Variants in RANBP2 observed in about 807,000 individuals in gnomAD.
RANBP2 encodes RAN binding protein 2.
A neutral mutation model predicts 303.6 loss-of-function variants in RANBP2; 57 were observed. The observed-to-expected ratio is 0.19, with a 90% confidence interval of 0.15 to 0.23. The LOEUF (loss-of-function observed/expected upper bound fraction) is 0.23, where lower values mean the gene tolerates loss of function less well. Among genes scored for constraint, RANBP2 ranks in the 10% least tolerant of loss-of-function variants. The pLI is 1.00. For synonymous variants in RANBP2, 1,167 were observed against 1,301.5 expected (o/e 0.90, Z 2.23); for missense variants, 3,138 against 3,780.8 (o/e 0.83, Z 4.46).
chr2:109,728,652 A>G, the RANBP2 span, among the ~76,000 whole-genome samples: 75 of 150,804 alleles, frequency 5.0e-4, no homozygotes, highest in African/African-American at 1.8e-3. Flanking sequence ...GAGGGGTTTC[A>G]CCATCTTGGT....
At chr2:108,992,998 T>C in the RANBP2 span, among the ~76,000 whole-genome samples, 6 of 152,210 alleles carry the variant, frequency 3.9e-5, no homozygotes, top group South Asian at 4.1e-4. Context: ...CACAGTTCCA[T>C]AGGCAGAAAA....
chr2:108,732,807 A>G (rs543970817), intron 4 of RANBP2, among the ~76,000 whole-genome samples: 43 of 152,276 alleles, frequency 2.8e-4, no homozygotes, highest in African/African-American at 5.8e-4. Context: ...GTCATCATGA[A>G]GTATGTGACG....
chr2:109,060,821 T>G, the RANBP2 span, among the ~76,000 whole-genome samples: 3 of 152,206 alleles, frequency 2.0e-5, no homozygotes, highest in Non-Finnish European at 4.4e-5. Context: ...TCTCTGAGAT[T>G]ATAATTTCTT....
chr2:109,496,613 A>C, the RANBP2 span, among the ~76,000 whole-genome samples: 5 of 152,172 alleles, frequency 3.3e-5, no homozygotes, highest in African/African-American at 1.2e-4. Flanking sequence ...TTCACATCGG[A>C]TCAGCTCATC....
chr2:109,110,409 G>A, the RANBP2 span, among the ~76,000 whole-genome samples: 6 of 152,236 alleles, frequency 3.9e-5, no homozygotes, highest in South Asian at 2.1e-4. Context: ...CAACATATCC[G>A]TGTCCTTAAT....
chr2:109,331,336 C>T, the RANBP2 span, among the ~76,000 whole-genome samples: 9 of 152,098 alleles, frequency 5.9e-5, no homozygotes, highest in African/African-American at 2.2e-4. Flanking sequence ...TAACAGCCAC[C>T]TGGCCTGTTT....
the RANBP2 span, among the ~76,000 whole-genome samples, chr2:109,682,793 C>A: frequency 3.3e-5 from 5 of 152,174 alleles, no homozygotes; most frequent in South Asian, 4.2e-4. Flanking sequence ...ATATATGTAT[C>A]AAAAAACCCA....
At chr2:108,939,658 C>G in the RANBP2 span, among the ~76,000 whole-genome samples, 1 of 152,158 alleles carries the variant, frequency 6.6e-6, no homozygotes, top group Non-Finnish European at 1.5e-5. Context: ...ATTGCTATAC[C>G]CTCTTCTCTC....
chr2:109,194,584 TG>T, the RANBP2 span, among the ~76,000 whole-genome samples: 11 of 152,126 alleles, frequency 7.2e-5, no homozygotes, highest in Non-Finnish European at 1.6e-4. Flanking sequence ...GCGGGCGGGC[TG>T]GGTAGGGAGG....
At chr2:108,890,831 G>C in the RANBP2 span, among the ~76,000 whole-genome samples, 1 of 152,088 alleles carries the variant, frequency 6.6e-6, no homozygotes, top group African/African-American at 2.4e-5. Context: ...GTTTTCCCAA[G>C]TGTCATGAAG....
At chr2:109,226,730 G>A in the RANBP2 span, among the ~76,000 whole-genome samples, 5 of 152,208 alleles carry the variant, frequency 3.3e-5, no homozygotes, top group East Asian at 3.8e-4. Flanking sequence ...CGCAGAAGGC[G>A]TGGTGCTGGA....
the RANBP2 span, among the ~76,000 whole-genome samples, chr2:108,939,962 G>A: frequency 0.72 from 108,833 of 152,114 alleles, 41,097 homozygotes; most frequent in Non-Finnish European, 0.83. Flanking sequence ...TCTCAGTGAC[G>A]CTGATTCTGC....
the RANBP2 span, among the ~76,000 whole-genome samples, chr2:108,908,976 C>G: frequency 2.0e-5 from 3 of 151,980 alleles, no homozygotes; most frequent in East Asian, 1.9e-4. Context: ...TGTCCCCACT[C>G]GAGAGAAGGT....
At chr2:109,544,355 CAATTTAAAAAA>C in the RANBP2 span, 1 of 1,553,970 alleles carries the variant, frequency 6.4e-7, no homozygotes, top group Non-Finnish European at 8.6e-7. Context: ...TTGATTGGTA[CAATTTAAAAAA>C]AATTCAAGTA....
chr2:109,553,862 A>C, the RANBP2 span, among the ~76,000 whole-genome samples: 2 of 152,172 alleles, frequency 1.3e-5, no homozygotes, highest in Non-Finnish European at 2.9e-5. Flanking sequence ...TCAAAAAAAA[A>C]AAAAAAGTGA....
the RANBP2 span, among the ~76,000 whole-genome samples, chr2:109,664,760 CCT>C: frequency 6.6e-6 from 1 of 151,878 alleles, no homozygotes; most frequent in African/African-American, 2.4e-5. Flanking sequence ...TGAAACCCTA[CCT>C]CTACTAAAAA....
the RANBP2 span, among the ~76,000 whole-genome samples, chr2:109,027,258 A>AC: frequency 4.0e-5 from 6 of 151,354 alleles, no homozygotes; most frequent in Admixed American, 6.6e-5. Context: ...AAAAAAAAAA[A>AC]AAAAAACAAG....
At chr2:109,413,536 G>C in the RANBP2 span, among the ~76,000 whole-genome samples, 1 of 152,092 alleles carries the variant, frequency 6.6e-6, no homozygotes, top group African/African-American at 2.4e-5. Context: ...GTCTCTCTCT[G>C]TGTCTCTGTG....
At chr2:109,691,125 G>A in the RANBP2 span, among the ~76,000 whole-genome samples, 12 of 152,184 alleles carry the variant, frequency 7.9e-5, no homozygotes, top group Admixed American at 4.6e-4. Context: ...CTAAAAATAC[G>A]TAGGAATGAT....
Sources: allele counts gnomAD v4.1 joint callset (sites outside exome capture counted in the v4.1 genomes callset), GRCh38; gene constraint gnomAD v4.1.1; transcripts MANE v1.5; gene names NCBI Gene and HGNC (gene_info 2026-07-23, HGNC 2026-07-21).